Variants in TASP1 observed in about 807,000 individuals in gnomAD.
The protein encoded by TASP1 is taspase 1, also known as threonine aspartase 1.
In TASP1, 16 loss-of-function variants were observed where a neutral mutation model predicts 56.6. That is an observed-to-expected ratio of 0.28 (90% CI 0.19 to 0.43). TASP1 has a LOEUF of 0.43. Ranked by LOEUF, TASP1 falls within the 20% of genes least tolerant of loss-of-function variation. The pLI, the probability that TASP1 is intolerant of heterozygous loss-of-function variation, is 1.00. For missense variants in TASP1, 393 were observed against 511.6 expected (o/e 0.77, Z 2.24); for synonymous variants, 179 against 184.2 (o/e 0.97, Z 0.23).
the TASP1 span, among the ~76,000 whole-genome samples, chr20:13,288,238 TG>T: frequency 6.6e-6 from 1 of 152,214 alleles, no homozygotes; most frequent in Non-Finnish European, 1.5e-5. Context: ...TGGTTACCTT[TG>T]GAAACTGCCT....
intron 7 of TASP1, among the ~76,000 whole-genome samples, chr20:13,562,591 T>C (rs1025178978): frequency 2.6e-5 from 4 of 151,932 alleles, no homozygotes; most frequent in Non-Finnish European, 4.4e-5. Flanking sequence ...TAAAAAGTAT[T>C]ATAGGCCAGG....
the TASP1 span, among the ~76,000 whole-genome samples, chr20:13,219,532 C>T: frequency 2.0e-5 from 3 of 151,636 alleles, no homozygotes; most frequent in South Asian, 4.2e-4. Context: ...ACAGGCCCGG[C>T]TGCCTAAAAA....
intron 8 of TASP1, among the ~76,000 whole-genome samples, chr20:13,540,304 T>G (rs2045573747): frequency 6.6e-6 from 1 of 152,214 alleles, no homozygotes; most frequent in South Asian, 2.1e-4. Context: ...AAATGAATAT[T>G]AATCACAATT....
At chr20:13,115,769 A>C in the TASP1 span, among the ~76,000 whole-genome samples, 2 of 152,122 alleles carry the variant, frequency 1.3e-5, no homozygotes, top group African/African-American at 4.8e-5. Context: ...ACGATTCACT[A>C]AATGCCCATC....
At chr20:13,534,507 G>A (rs571298293) in intron 8 of TASP1, among the ~76,000 whole-genome samples, 49 of 152,088 alleles carry the variant, frequency 3.2e-4, no homozygotes, top group African/African-American at 1.0e-3. Context: ...GGAAACCATC[G>A]GTGGCATAAA....
chr20:13,225,720 C>T, the TASP1 span, among the ~76,000 whole-genome samples: 2,265 of 152,254 alleles, frequency 0.015, 32 homozygotes, highest in African/African-American at 0.018. Flanking sequence ...AATGAGAAAA[C>T]TATCTGCAGT....
At chr20:13,486,381 A>C (rs1030123623) in intron 10 of TASP1, among the ~76,000 whole-genome samples, 3 of 152,210 alleles carry the variant, frequency 2.0e-5, no homozygotes, top group Non-Finnish European at 4.4e-5. Context: ...GTTCTAAAAA[A>C]AGAAAAATTT....
chr20:13,368,655 A>G, the TASP1 span: 1 of 152,248 alleles, frequency 6.6e-6, no homozygotes, highest in Non-Finnish European at 1.5e-5. Context: ...TCCACACTGG[A>G]AACAGTAGGG....
chr20:13,393,197 G>T, intron 13 of TASP1: 2 of 708,410 alleles, frequency 2.8e-6, no homozygotes, highest in South Asian at 2.8e-5. Flanking sequence ...AAGGATTCAT[G>T]ACCACAGTCC....
intron 11 of TASP1, among the ~76,000 whole-genome samples, chr20:13,441,966 A>G (rs2043227483): frequency 6.6e-6 from 1 of 152,150 alleles, no homozygotes; most frequent in African/African-American, 2.4e-5. Flanking sequence ...AATAGCTCCC[A>G]ACTGCCTGTA....
At chr20:13,144,828 G>A in the TASP1 span, among the ~76,000 whole-genome samples, 1 of 152,140 alleles carries the variant, frequency 6.6e-6, no homozygotes, top group African/African-American at 2.4e-5. Context: ...AGGCTGGAGT[G>A]CAGTGGCGCA....
chr20:13,444,708 A>C (rs983438725), intron 11 of TASP1, among the ~76,000 whole-genome samples: 1 of 152,188 alleles, frequency 6.6e-6, no homozygotes, highest in African/African-American at 2.4e-5. Flanking sequence ...TGCTGCTCCT[A>C]CAAAAATCCC....
the TASP1 span, among the ~76,000 whole-genome samples, chr20:13,146,297 G>A: frequency 6.6e-6 from 1 of 152,100 alleles, no homozygotes; most frequent in Non-Finnish European, 1.5e-5. Flanking sequence ...TGGGAGGAGG[G>A]AGAGGAGCAG....
chr20:13,226,869 T>C, the TASP1 span, among the ~76,000 whole-genome samples: 1 of 152,210 alleles, frequency 6.6e-6, no homozygotes, highest in South Asian at 2.1e-4. Flanking sequence ...GGACAAGAAA[T>C]AGTTTCCACT....
intron 1 of TASP1, among the ~76,000 whole-genome samples, chr20:13,631,173 A>G (rs2073896035): frequency 6.6e-6 from 1 of 152,120 alleles, no homozygotes; most frequent in Non-Finnish European, 1.5e-5. Context: ...TTGGTTTAAG[A>G]GTCTATTTAA....
chr20:13,235,027 A>C, the TASP1 span, among the ~76,000 whole-genome samples: 2 of 152,208 alleles, frequency 1.3e-5, no homozygotes, highest in African/African-American at 4.8e-5. Context: ...AAAGCACTTA[A>C]TACAGGTCCT....
chr20:13,262,973 G>A, the TASP1 span, among the ~76,000 whole-genome samples: 1 of 152,166 alleles, frequency 6.6e-6, no homozygotes, highest in Non-Finnish European at 1.5e-5. Context: ...GTGACAGCAG[G>A]CTCCATTCCC....
intron 13 of TASP1, among the ~76,000 whole-genome samples, chr20:13,411,742 C>T (rs1031838349): frequency 6.6e-6 from 1 of 152,330 alleles, no homozygotes; most frequent in East Asian, 1.9e-4. Flanking sequence ...CCACGGGAGA[C>T]TTCTCTTTGT....
chr20:13,425,320 A>G (rs528617954), intron 12 of TASP1, among the ~76,000 whole-genome samples: 2 of 152,310 alleles, frequency 1.3e-5, no homozygotes, highest in Admixed American at 6.5e-5. Flanking sequence ...AATCATCCAC[A>G]TATCATCCTG....
Sources: allele counts gnomAD v4.1 joint callset (sites outside exome capture counted in the v4.1 genomes callset), GRCh38; gene constraint gnomAD v4.1.1; transcripts MANE v1.5; gene names NCBI Gene and HGNC (gene_info 2026-07-23, HGNC 2026-07-21).